Variants in IGF2R observed in about 807,000 individuals in gnomAD.
The protein encoded by IGF2R is cation-independent mannose-6-phosphate receptor.
IGF2R carries 91 observed loss-of-function variants against 270.6 expected under a neutral mutation model. The ratio of observed to expected loss-of-function variants is 0.34; its 90% CI spans 0.28 to 0.40. The LOEUF (loss-of-function observed/expected upper bound fraction) is 0.40. Among genes scored for constraint, IGF2R ranks in the 10% least tolerant of loss-of-function variants. The probability of loss-of-function intolerance (pLI) is 1.00; values close to 1 mark genes in which losing one functional copy is unlikely to be tolerated. For missense variants in IGF2R, 2,805 were observed against 3,188.3 expected (o/e 0.88, Z 2.90); for synonymous variants, 1,316 against 1,258.9 (o/e 1.05, Z -0.96).
Position 160,056,433 on chromosome 6 carries a change from C to A in IGF2R, c.2704C>A (p.Pro902Thr). ...GGATTTGCCCATTCAGAACAGCCAC[C>A]CCATCTTTTCTCTCAACTGGGAGTG... is the stretch of plus-strand genomic sequence containing the variant. ...VCSRGRLNSH[P>T]IFSLNWECVV... The change falls in exon 20 of 48, where the codon CCC (proline) becomes ACC (threonine). Residue 902 changes from proline (P) to threonine (T), a missense_variant. Physicochemically the swap from Pro to Thr is conservative, Grantham distance 38. Coordinates refer to ENST00000356956, the MANE Select transcript of IGF2R (RefSeq NM_000876.4). 6.2e-7 allele frequency: 1 copy of A among 1,612,904 alleles called. No individual in the cohort carries two copies.
chr6:160,085,256 C>T (rs756090984), intron 41 of IGF2R, 125 bp downstream of exon 41: 52 of 987,230 alleles, frequency 5.3e-5, no homozygotes, highest in South Asian at 2.8e-4. Context: ...ATATGATTGC[C>T]TGTCACTGTC....
intron 1 of IGF2R, among the ~76,000 whole-genome samples, chr6:159,978,967 A>C (rs1057168358): frequency 1.4e-5 from 2 of 145,390 alleles, no homozygotes; most frequent in African/African-American, 5.0e-5. Context: ...AGGTGTAGGA[A>C]GTGAGGGGGA....
At chr6:160,072,198 G>C (rs553414330) in intron 32 of IGF2R, among the ~76,000 whole-genome samples, 162 bp downstream of exon 32, 1 of 152,296 alleles carries the variant, frequency 6.6e-6, no homozygotes, top group East Asian at 1.9e-4. Context: ...CTCTGGATGG[G>C]CTGCTGTGTG....
intron 1 of IGF2R, among the ~76,000 whole-genome samples, chr6:159,971,721 C>T (rs1296396886): frequency 1.3e-5 from 2 of 152,220 alleles, no homozygotes; most frequent in Non-Finnish European, 2.9e-5. Context: ...AGTCATAGCT[C>T]ACTACAGTCG....
chr6:160,074,163 T>C (rs1778807468), intron 35 of IGF2R, 188 bp downstream of exon 35: 1 of 588,054 alleles, frequency 1.7e-6, no homozygotes, highest in African/African-American at 1.9e-5. Flanking sequence ...TGTTCGCTGA[T>C]GATGGTAGCC....
At chr6:159,981,205 T>G (rs971687146) in intron 1 of IGF2R, among the ~76,000 whole-genome samples, 2 of 152,148 alleles carry the variant, frequency 1.3e-5, no homozygotes, top group Admixed American at 6.5e-5. Context: ...CAGGCCAGAG[T>G]GGCATCCTTG....
chr6:159,976,702 C>A (rs990891728), intron 1 of IGF2R, among the ~76,000 whole-genome samples: 1 of 151,192 alleles, frequency 6.6e-6, no homozygotes, highest in African/African-American at 2.4e-5. Flanking sequence ...TTCAAAAGTT[C>A]TATCTGTTTC....
At chr6:160,100,110 G>C (rs1457190069) in intron 45 of IGF2R, among the ~76,000 whole-genome samples, 1 of 152,066 alleles carries the variant, frequency 6.6e-6, no homozygotes, top group Admixed American at 6.6e-5. Flanking sequence ...ACAAAAATCA[G>C]ATAAGTAGAA....
chr6:159,985,048 C>T (rs781299466), intron 1 of IGF2R, among the ~76,000 whole-genome samples: 1 of 152,052 alleles, frequency 6.6e-6, no homozygotes, highest in East Asian at 1.9e-4. Context: ...CAAGGTGCTG[C>T]GAAGGGATAA....
At position 159,969,088 on chromosome 6, in the gene IGF2R, G is replaced by C. The variant is rs1783563950; in HGVS notation, c.-159G>C. On this transcript the variant is annotated 5_prime_UTR_variant, in exon 1 of 48. Coordinates refer to ENST00000356956, the MANE Select transcript of IGF2R (RefSeq NM_000876.4). ...CGGTTCCGGGGCCGCCGCTGCCGCT[G>C]TCGCTGTCGCCGAGCCCAGTCGAGC... The C allele has an allele frequency of 3.9e-6, 1 of 256,544 alleles. No homozygotes were observed. Among genetic ancestry groups the C allele is most frequent in the South Asian group, 1.4e-4 (1 of 7,016 alleles). The allele number at this position is 256,544 out of a possible 1,614,324, so 15.9% of individuals were successfully genotyped here. A position where few individuals can be genotyped will look rare whatever the true frequency, so the allele number is the denominator to read the frequency against.
At chr6:160,099,377 T>TTATGTTA (rs1779432671) in intron 45 of IGF2R, among the ~76,000 whole-genome samples, 1 of 150,832 alleles carries the variant, frequency 6.6e-6, no homozygotes, top group South Asian at 2.1e-4. Flanking sequence ...TTATGTTATG[T>TTATGTTA]TATTTTTTTG....
At chr6:160,060,437 C>A in intron 22 of IGF2R, 110 bp from the exon 23 acceptor site, 1 of 1,043,996 alleles carries the variant, frequency 9.6e-7, no homozygotes. Context: ...CCACGAACGG[C>A]TGTGAAGCTT....
chr6:160,032,818 G>A lies in IGF2R; in HGVS notation c.1045+105G>A. On this transcript the variant is annotated intron_variant, in intron 8 of 47. Coordinates refer to ENST00000356956, the MANE Select transcript of IGF2R (RefSeq NM_000876.4). ...TCAGTCCATGCATGCTTCTGGGTTG[G>A]AGAGAGCTGTAGTTTGGGCTGGTGT... 2.1e-6 allele frequency: 3 copies of A among 1,425,944 alleles called. No homozygotes were observed. The East Asian group carries it at 6.9e-5, about 33-fold the overall frequency. 88.3% of individuals were successfully genotyped at this position (1,425,944 alleles called of 1,614,324 possible).
chr6:160,044,772 G>T, intron 13 of IGF2R, 115 bp downstream of exon 13: 1 of 841,698 alleles, frequency 1.2e-6, no homozygotes, highest in Non-Finnish European at 1.8e-6. Context: ...TTGGCATGGT[G>T]TTCAGCATTT....
At chr6:160,054,740 AC>A (rs1023315260) in intron 19 of IGF2R, among the ~76,000 whole-genome samples, 6 of 152,036 alleles carry the variant, frequency 3.9e-5, no homozygotes, top group African/African-American at 1.2e-4. Flanking sequence ...ATTTCTTATT[AC>A]CTGTAGTTTT....
rs540412713 is a variant in IGF2R at position 160,110,256 on chromosome 6, G to A, written c.*5172G>A. The A allele has an allele frequency of 3.9e-5, 6 of 152,308 alleles. No individual in the cohort carries two copies. The highest frequency in any genetic ancestry group is 7.2e-5 in the African/African-American group (3 of 41,552). The allele number at this position is 152,308 out of a possible 1,614,324, so 9.4% of individuals were successfully genotyped here. The stretch of plus-strand genomic sequence containing the variant: ...TCTGTTGTTTTCCAGAGGCTCCCAC[G>A]GAGCATGCTGGGTGGGTGGTCTGTA... On this transcript the variant is annotated 3_prime_UTR_variant, in exon 48 of 48. Transcript: ENST00000356956.
At chr6:160,083,783 AAGTGGCTGGGGCAG>A (rs773315099) in intron 39 of IGF2R, among the ~76,000 whole-genome samples, 153 bp from the exon 40 acceptor site, 12 of 152,232 alleles carry the variant, frequency 7.9e-5, no homozygotes, top group Non-Finnish European at 1.2e-4. Context: ...AGTTGGGTCA[AAGTGGCTGGGGCAG>A]AGTGGCTGGG....
At chr6:160,036,751 A>T (rs930121516) in intron 10 of IGF2R, among the ~76,000 whole-genome samples, 7 of 152,112 alleles carry the variant, frequency 4.6e-5, no homozygotes, top group Non-Finnish European at 8.8e-5. Context: ...AAAACCAAAG[A>T]ACAGAAAGAA....
intron 39 of IGF2R, 21 bp from the exon 40 acceptor site, chr6:160,083,929 T>G: frequency 2.6e-6 from 4 of 1,535,680 alleles, no homozygotes; most frequent in Non-Finnish European, 3.6e-6. Context: ...GATCTCTCTC[T>G]CTTTTCCCTA....
Sources: allele counts gnomAD v4.1 joint callset (sites outside exome capture counted in the v4.1 genomes callset), GRCh38; gene constraint gnomAD v4.1.1; transcripts MANE v1.5; gene names NCBI Gene and HGNC (gene_info 2026-07-23, HGNC 2026-07-21).